Variants in SCN3B observed in about 807,000 individuals in gnomAD.
SCN3B encodes the protein sodium channel regulatory subunit beta-3.
In SCN3B, 11 loss-of-function variants were observed where a neutral mutation model predicts 25.4. The ratio of observed to expected loss-of-function variants is 0.43; its 90% confidence interval spans 0.27 to 0.72. The LOEUF (loss-of-function observed/expected upper bound fraction) is 0.72. Among genes scored for constraint, SCN3B ranks in the 30% least tolerant of loss-of-function variants. The probability of loss-of-function intolerance (pLI) is 0.18; values close to 1 mark genes in which losing one functional copy is unlikely to be tolerated. For synonymous variants in SCN3B, 109 were observed against 110.7 expected, an observed-to-expected ratio of 0.99 and a Z score of 0.09; for missense variants, 218 against 278.3, an observed-to-expected ratio of 0.78 and a Z score of 1.54.
At chr11:123,652,507 C>A (rs1191993862) in intron 2 of SCN3B, among the ~76,000 whole-genome samples, 1 of 152,134 alleles carries the variant, frequency 6.6e-6, no homozygotes, top group Non-Finnish European at 1.5e-5. Context: ...AATACTAAAG[C>A]AAAGAGGCAG....
intron 1 of SCN3B, 112 bp from the exon 2 acceptor site, chr11:123,653,938 G>T (rs1036347448): frequency 3.0e-6 from 3 of 1,007,278 alleles, no homozygotes; most frequent in South Asian, 2.6e-5. Context: ...AGGAAGGGCC[G>T]AGCACCGGTG....
At position 123,632,025 on chromosome 11, in the gene SCN3B, C is replaced by G. The variant is rs755764725; in HGVS notation, c.*1774G>C. 6.6e-6 allele frequency: 1 copy of G among 152,160 alleles called. No individual in the cohort carries two copies. The highest frequency in any genetic ancestry group is 1.5e-5 in the Non-Finnish European group (1 of 68,034). 9.4% of individuals were successfully genotyped at this position (152,160 alleles called of 1,614,324 possible). A position where few individuals can be genotyped will look rare whatever the true frequency, so the allele number is the denominator to read the frequency against. On this transcript the variant is annotated 3_prime_UTR_variant, in exon 7 of 7. Transcript: ENST00000299333. Reference sequence around the variant, plus strand: ...CCAGTCACCTTCATCTTCTTACATTCCATAAAGCATCTTTCCCCTCTCTTG... The same window carrying G: ...CCAGTCACCTTCATCTTCTTACATTGCATAAAGCATCTTTCCCCTCTCTTG...
rs1482724299 is a variant in SCN3B at position 123,630,677 on chromosome 11, A to T, written c.*3122T>A. ...CCAGGAAGGAGTTTAATTGCAATTC[A>T]GGAGAAATAATGATGTACAAACCAA... is the stretch of plus-strand genomic sequence containing the variant. On this transcript the variant is annotated 3_prime_UTR_variant, in exon 7 of 7. Transcript: ENST00000299333. 6.6e-6 allele frequency: 1 copy of T among 152,302 alleles called. No individual in the cohort carries two copies. 9.4% of individuals were successfully genotyped at this position (152,302 alleles called of 1,614,324 possible).
chr11:123,633,797 C>G (rs1955697094), intron 6 of SCN3B, 21 bp from the exon 7 acceptor site: 5 of 350,090 alleles, frequency 1.4e-5, no homozygotes, highest in Middle Eastern at 9.9e-4. Context: ...TAAAATAACT[C>G]ACTGAGAATT....
chr11:123,647,381 G>A (rs1955865674), intron 2 of SCN3B, among the ~76,000 whole-genome samples: 1 of 152,152 alleles, frequency 6.6e-6, no homozygotes, highest in South Asian at 2.1e-4. Flanking sequence ...CCACTCAGGA[G>A]GTAAGAGGAT....
intron 2 of SCN3B, among the ~76,000 whole-genome samples, chr11:123,652,689 G>A (rs554157328): frequency 1.2e-4 from 19 of 152,278 alleles, no homozygotes; most frequent in African/African-American, 4.6e-4. Context: ...AAAGCAATCT[G>A]TCTGCTGAAG....
rs200553518 is a variant in SCN3B, at chr11:123,645,671, G to A, written c.135C>T (p.Cys45=). The A allele has an allele frequency of 4.3e-6, 7 of 1,614,134 alleles. No individual in the cohort carries two copies. The highest frequency in any genetic ancestry group is 4.5e-5 in the East Asian group (2 of 44,862). Residue 45 remains cysteine, a synonymous_variant, in exon 3 of 7, where the codon TGC becomes TGT. Transcript: ENST00000299333. ...AVQGNPMKLR[C]ISCMKREEVE... The stretch of plus-strand genomic sequence containing the variant: ...CCTCCTCTCTCTTCATGCAGGAGAT[G>A]CAGCGCAGCTTCATGGGGTTGCCCT...
chr11:123,644,763 C>T (rs1272531231), intron 3 of SCN3B, among the ~76,000 whole-genome samples: 3 of 104,756 alleles, frequency 2.9e-5, no homozygotes, highest in African/African-American at 8.1e-5. Context: ...AGGGAGACCC[C>T]GTTGAGAGAG....
rs1301432167 is a variant in SCN3B, at chr11:123,642,450, C to T, written c.441G>A (p.Glu147=). The change falls in exon 4 of 7, where the codon GAG becomes GAA. Residue 147 remains glutamate (E), a synonymous_variant. Coordinates refer to ENST00000299333, the MANE Select transcript of SCN3B (RefSeq NM_001040151.2). The surrounding 1 kb of genome is among the most constrained non-coding windows in gnomAD (Gnocchi z 4.3). Reference sequence around the variant, plus strand: ...GACCCTGTGCCTCAGCCTCACCCTCCTCGGTGACTCTTAGGGGGATCAGCC... The same window carrying T: ...GACCCTGTGCCTCAGCCTCACCCTCTTCGGTGACTCTTAGGGGGATCAGCC... ...TTRLIPLRVT[E]EAGEDFTSVV... The T allele has an allele frequency of 6.2e-7, 1 of 1,614,142 alleles. No individual in the cohort carries two copies. Among genetic ancestry groups the T allele is most frequent in the Non-Finnish European group, 8.5e-7 (1 of 1,180,002 alleles).
chr11:123,633,362 C>T lies in SCN3B; in HGVS notation c.*437G>A, dbSNP rs965998916. ...CTTTTGCTTTAACCCGAACTAATCA[C>T]TCCTGCTTCCTTCTATTAAGACTTC... is the stretch of plus-strand genomic sequence containing the variant. On this transcript the variant is annotated 3_prime_UTR_variant, in exon 7 of 7. Coordinates refer to ENST00000299333, the MANE Select transcript of SCN3B (RefSeq NM_001040151.2). 6.6e-6 allele frequency: 1 copy of T among 152,588 alleles called. No individual in the cohort carries two copies. Among genetic ancestry groups the T allele is most frequent in the African/African-American group, 2.4e-5 (1 of 41,452 alleles). 9.5% of individuals were successfully genotyped at this position (152,588 alleles called of 1,614,324 possible). A position where few individuals can be genotyped will look rare whatever the true frequency, so the allele number is the denominator to read the frequency against.
rs771872010 is a variant in SCN3B, at chr11:123,634,108, T to A, written c.*22+13A>T. On this transcript the variant is annotated intron_variant, in intron 6 of 6. Coordinates refer to ENST00000299333, the MANE Select transcript of SCN3B (RefSeq NM_001040151.2). ...CCACATCTGCCTTCCCCTCCCATGT[T>A]CCTGTAGGTCACCTCATGTCACACT... 6.2e-7 allele frequency: 1 copy of A among 1,601,362 alleles called. No homozygotes were observed. Among genetic ancestry groups the A allele is most frequent in the South Asian group, 1.1e-5 (1 of 90,810 alleles).
chr11:123,648,976 T>A (rs1955887237), intron 2 of SCN3B, among the ~76,000 whole-genome samples: 1 of 128,288 alleles, frequency 7.8e-6, no homozygotes, highest in African/African-American at 2.9e-5. Context: ...AGAGGAAGAA[T>A]GATGGGATCT....
At chr11:123,647,639 T>C (rs1329060204) in intron 2 of SCN3B, among the ~76,000 whole-genome samples, 1 of 152,206 alleles carries the variant, frequency 6.6e-6, no homozygotes. Flanking sequence ...CCACTGTTAA[T>C]GGTCAGCCTG....
At chr11:123,653,335 T>G (rs1409879537) in intron 2 of SCN3B, among the ~76,000 whole-genome samples, 1 of 151,828 alleles carries the variant, frequency 6.6e-6, no homozygotes, top group Non-Finnish European at 1.5e-5. Flanking sequence ...GTTTTTTTTT[T>G]TTTTTAATAT....
At chr11:123,646,770 T>C (rs146675138) in intron 2 of SCN3B, among the ~76,000 whole-genome samples, 3 of 152,336 alleles carry the variant, frequency 2.0e-5, no homozygotes, top group East Asian at 3.9e-4. Context: ...AAATGTGAGC[T>C]GCATTAACAG....
intron 5 of SCN3B, among the ~76,000 whole-genome samples, chr11:123,636,757 G>A (rs1565494278): frequency 6.6e-6 from 1 of 151,348 alleles, no homozygotes; most frequent in African/African-American, 2.4e-5. Context: ...GCAGTGCCGT[G>A]ATCTCGGCTC....
chr11:123,635,685 C>CA (rs796965268), intron 5 of SCN3B, among the ~76,000 whole-genome samples: 1,889 of 129,918 alleles, frequency 0.015, 26 homozygotes, highest in African/African-American at 0.042. Flanking sequence ...GACTCTGTCT[C>CA]AAAAAAAAAA....
rs748314910 is a variant in SCN3B at position 123,634,184 on chromosome 11, A to G, written c.607T>C (p.Ser203Pro). The change falls in exon 6 of 7, where the codon TCT becomes CCT. Residue 203 changes from serine (S) to proline (P), a missense_variant. Ser to Pro is a moderately conservative substitution (Grantham distance 74). Coordinates refer to ENST00000299333, the MANE Select transcript of SCN3B (RefSeq NM_001040151.2). Reference protein sequence around the residue: ...ENASDYLAIPSENKENSAVPV... With the variant: ...ENASDYLAIPPENKENSAVPV... The stretch of plus-strand genomic sequence containing the variant: ...ACCGCAGAGTTCTCCTTGTTCTCAG[A>G]TGGGATGGCAAGGTAGTCAGACCTA... The G allele has an allele frequency of 6.2e-7, 1 of 1,613,758 alleles. No homozygotes were observed. Among genetic ancestry groups the G allele is most frequent in the Non-Finnish European group, 8.5e-7 (1 of 1,179,846 alleles).
chr11:123,632,743 ACACCACTG>A lies in SCN3B; in HGVS notation c.*1048_*1055del, dbSNP rs1955686339. On this transcript the variant is annotated 3_prime_UTR_variant, in exon 7 of 7. Transcript: ENST00000299333. ...GCAGAGGTTGCAGTGAGCCGAGATCACACCACTGCACTCTAGCCTAGGTGACAGAGTGA... is the reference window on the plus strand; with the variant it reads ...GCAGAGGTTGCAGTGAGCCGAGATCACACTCTAGCCTAGGTGACAGAGTGA... The A allele has an allele frequency of 6.6e-6, 1 of 151,758 alleles. No homozygotes were observed. 9.4% of individuals were successfully genotyped at this position (151,758 alleles called of 1,614,324 possible). A position where few individuals can be genotyped will look rare whatever the true frequency, so the allele number is the denominator to read the frequency against.
Sources: allele counts gnomAD v4.1 joint callset (sites outside exome capture counted in the v4.1 genomes callset), GRCh38; gene constraint gnomAD v4.1.1; non-coding constraint Gnocchi (gnomAD v3.1); transcripts MANE v1.5; gene names NCBI Gene and HGNC (gene_info 2026-07-23, HGNC 2026-07-21).